SPTLC1: variants seen among roughly 807,000 people sequenced by gnomAD.
SPTLC1 encodes the protein serine palmitoyltransferase 1.
In SPTLC1, 55 loss-of-function variants were observed where a neutral mutation model predicts 68.9. That is an observed-to-expected ratio of 0.80 (90% CI 0.64 to 1.00). The LOEUF (loss-of-function observed/expected upper bound fraction) is 1.00, where lower values mean the gene tolerates loss of function less well. Ranked by LOEUF, SPTLC1 falls within the 50% of genes least tolerant of loss-of-function variation. The pLI is 0.00. For missense variants in SPTLC1, 449 were observed against 573.1 expected (o/e 0.78, Z 2.21); for synonymous variants, 197 against 201.6 (o/e 0.98, Z 0.19).
chr9:92,054,360 A>G (rs533923147), intron 8 of SPTLC1, among the ~76,000 whole-genome samples: 1 of 152,340 alleles, frequency 6.6e-6, no homozygotes, highest in East Asian at 1.9e-4. Flanking sequence ...AGGTAAAACT[A>G]ATCTACAGGA....
chr9:92,092,012 G>A (rs1835378440), intron 3 of SPTLC1, among the ~76,000 whole-genome samples: 1 of 152,110 alleles, frequency 6.6e-6, no homozygotes, highest in Admixed American at 6.5e-5. Context: ...ATTTAAAAAC[G>A]AAACAGAGAC....
At chr9:92,093,271 A>C (rs7871444) in intron 3 of SPTLC1, among the ~76,000 whole-genome samples, 80,676 of 152,094 alleles carry the variant, frequency 0.53, 24,596 homozygotes, top group African/African-American at 0.85. Flanking sequence ...CTCTTAGAAA[A>C]CTAGATCGGA....
intron 12 of SPTLC1, among the ~76,000 whole-genome samples, chr9:92,043,544 A>C (rs1833417416): frequency 6.6e-6 from 1 of 152,006 alleles, no homozygotes; most frequent in African/African-American, 2.4e-5. Context: ...TAGCAACTCT[A>C]CCTATTTACT....
intron 3 of SPTLC1, among the ~76,000 whole-genome samples, chr9:92,100,869 C>T: frequency 6.6e-6 from 1 of 150,942 alleles, no homozygotes; most frequent in Non-Finnish European, 1.5e-5. Flanking sequence ...GAGAAAAGCA[C>T]AGATATTACA....
chr9:92,043,124 T>C (rs1321269320), intron 12 of SPTLC1, among the ~76,000 whole-genome samples: 1 of 152,136 alleles, frequency 6.6e-6, no homozygotes, highest in African/African-American at 2.4e-5. Flanking sequence ...CCCCTGAAAC[T>C]ACTCACCAAG....
chr9:92,051,343 C>A (rs1344043681), intron 8 of SPTLC1: 1 of 827,940 alleles, frequency 1.2e-6, no homozygotes, highest in African/African-American at 1.9e-5. Flanking sequence ...GTATTACATA[C>A]ACATTAGAAG....
chr9:92,044,043 T>C (rs570203398), intron 12 of SPTLC1, among the ~76,000 whole-genome samples: 2 of 152,286 alleles, frequency 1.3e-5, no homozygotes, highest in South Asian at 4.1e-4. Flanking sequence ...GCGACCCTTA[T>C]GAATGTGTGT....
chr9:92,101,537 G>A (rs1270638853), intron 3 of SPTLC1, among the ~76,000 whole-genome samples: 1 of 131,648 alleles, frequency 7.6e-6, no homozygotes, highest in Non-Finnish European at 1.6e-5. Flanking sequence ...ACTCCAGCCT[G>A]GGCGACAGAG....
intron 9 of SPTLC1, among the ~76,000 whole-genome samples, chr9:92,048,603 C>A (rs544063911): frequency 1.1e-4 from 16 of 152,288 alleles, no homozygotes; most frequent in African/African-American, 2.9e-4. Flanking sequence ...TCCCCTACCA[C>A]CCTCATCATT....
At chr9:92,111,140 C>T (rs566514029) in intron 2 of SPTLC1, 2 of 152,236 alleles carry the variant, frequency 1.3e-5, no homozygotes, top group East Asian at 1.9e-4. Context: ...AAAAAAACTC[C>T]GTATTTCCAA....
intron 6 of SPTLC1, among the ~76,000 whole-genome samples, chr9:92,064,448 T>C (rs1205968663): frequency 6.6e-6 from 1 of 152,222 alleles, no homozygotes; most frequent in Non-Finnish European, 1.5e-5. Context: ...GCTAAAAAAG[T>C]AGTGATAACA....
At chr9:92,098,702 C>CAA (rs200007647) in intron 3 of SPTLC1, among the ~76,000 whole-genome samples, 45 of 147,544 alleles carry the variant, frequency 3.0e-4, no homozygotes, top group African/African-American at 1.1e-3. Flanking sequence ...GTGTAGGTTT[C>CAA]AAAAAAAAAA....
intron 3 of SPTLC1, among the ~76,000 whole-genome samples, chr9:92,086,113 T>C (rs1374050030): frequency 6.6e-6 from 1 of 151,834 alleles, no homozygotes; most frequent in Non-Finnish European, 1.5e-5. Context: ...TCCTCCATCC[T>C]TTTATTTTGA....
At chr9:92,110,594 A>G (rs1332076157) in intron 2 of SPTLC1, 1 of 152,220 alleles carries the variant, frequency 6.6e-6, no homozygotes, top group Non-Finnish European at 1.5e-5. Flanking sequence ...ATTTATATTA[A>G]CATTATATTA....
intron 6 of SPTLC1, among the ~76,000 whole-genome samples, chr9:92,060,743 TAA>T (rs777447484): frequency 2.8e-4 from 35 of 125,534 alleles, no homozygotes; most frequent in East Asian, 4.4e-4. Flanking sequence ...CATCTCTACT[TAA>T]AAAAAAAAAA....
At chr9:92,077,733 C>G (rs2118660615) in intron 5 of SPTLC1, among the ~76,000 whole-genome samples, 1 of 152,328 alleles carries the variant, frequency 6.6e-6, no homozygotes. Flanking sequence ...CCAGTTCACG[C>G]TTTTACTCCA....
intron 1 of SPTLC1, among the ~76,000 whole-genome samples, chr9:92,113,275 C>T (rs1025247178): frequency 9.2e-5 from 14 of 152,172 alleles, no homozygotes; most frequent in African/African-American, 3.4e-4. Flanking sequence ...AAAATTTGCT[C>T]ATCCCCCTAA....
chr9:92,067,313 A>C (rs1333602115), intron 6 of SPTLC1, among the ~76,000 whole-genome samples: 1 of 151,658 alleles, frequency 6.6e-6, no homozygotes, highest in Non-Finnish European at 1.5e-5. Flanking sequence ...ACAAAAAAAA[A>C]AAAAACAGAG....
At chr9:92,066,985 TA>T (rs1306379741) in intron 6 of SPTLC1, among the ~76,000 whole-genome samples, 1 of 149,232 alleles carries the variant, frequency 6.7e-6, no homozygotes, top group Non-Finnish European at 1.5e-5. Context: ...CATCTCAAAA[TA>T]AAAAAAATTA....
Sources: allele counts gnomAD v4.1 joint callset (sites outside exome capture counted in the v4.1 genomes callset), GRCh38; gene constraint gnomAD v4.1.1; transcripts MANE v1.5; gene names NCBI Gene and HGNC (gene_info 2026-07-23, HGNC 2026-07-21).